DHX35: variants seen among roughly 807,000 people sequenced by gnomAD.
DHX35 encodes the protein DEAH-box helicase 35.
Under a neutral mutation model 99.6 loss-of-function variants are expected in DHX35, and 84 were observed. The observed-to-expected ratio is 0.84, with a 90% CI of 0.71 to 1.01. The LOEUF (loss-of-function observed/expected upper bound fraction) is 1.01. DHX35 is among the 50% of genes least tolerant of loss of function. DHX35 has a pLI of 0.00. For missense variants in DHX35, 852 were observed against 888.5 expected (o/e 0.96, Z 0.52); for synonymous variants, 331 against 316.2 (o/e 1.05, Z -0.50).
Position 39,028,432 on chromosome 20 carries a change from G to A in DHX35, c.1816G>A (p.Val606Ile). 1.2e-6 allele frequency: 2 copies of A among 1,614,220 alleles called. No individual in the cohort carries two copies. The highest frequency in any genetic ancestry group is 8.5e-7 in the Non-Finnish European group (1 of 1,180,038). Reference protein sequence around the residue: ...RKSSEGDPDLVLRCIVSGFFA... With the variant: ...RKSSEGDPDLILRCIVSGFFA... Reference sequence around the variant, plus strand: ...TGCCTATGTAGGTGACCCGGATCTGGTTCTGAGGTGCATTGTCTCCGGCTT... The same window carrying A: ...TGCCTATGTAGGTGACCCGGATCTGATTCTGAGGTGCATTGTCTCCGGCTT... The change falls in exon 19 of 22, where the codon GTT (valine) becomes ATT (isoleucine). Residue 606 changes from valine to isoleucine, a missense_variant. Physicochemically the swap from Val to Ile is conservative, Grantham distance 29. Transcript: ENST00000252011.
At chr20:38,972,680 C>T (rs1451542922) in intron 3 of DHX35, 29 bp downstream of exon 3, 4 of 1,507,864 alleles carry the variant, frequency 2.7e-6, no homozygotes, top group Non-Finnish European at 3.7e-6. Flanking sequence ...AGTGTCTTTA[C>T]ACTTCGATTT....
chr20:38,972,229 T>C (rs2086012402), intron 2 of DHX35, among the ~76,000 whole-genome samples: 1 of 152,112 alleles, frequency 6.6e-6, no homozygotes, highest in Non-Finnish European at 1.5e-5. Flanking sequence ...AGGCTGGTCT[T>C]GAACTCCTGA....
intron 5 of DHX35, among the ~76,000 whole-genome samples, chr20:38,990,999 A>G (rs1017398836): frequency 6.6e-6 from 1 of 152,200 alleles, no homozygotes; most frequent in Non-Finnish European, 1.5e-5. Flanking sequence ...GTGCTTAACC[A>G]TGATCCTATC....
intron 3 of DHX35, among the ~76,000 whole-genome samples, chr20:38,977,518 C>G (rs1195203050): frequency 6.6e-6 from 1 of 151,992 alleles, no homozygotes; most frequent in African/African-American, 2.4e-5. Flanking sequence ...GTCTGACCAC[C>G]ACTACTATTA....
intron 14 of DHX35, among the ~76,000 whole-genome samples, chr20:39,015,410 G>C (rs915426034): frequency 6.6e-6 from 1 of 152,132 alleles, no homozygotes; most frequent in Non-Finnish European, 1.5e-5. Context: ...TTCAGTTGTC[G>C]ATTGAAGATG....
chr20:38,990,237 C>T (rs2086317483), intron 5 of DHX35, among the ~76,000 whole-genome samples: 1 of 152,196 alleles, frequency 6.6e-6, no homozygotes, highest in African/African-American at 2.4e-5. Context: ...GAAGTTCTCA[C>T]TACGTATGTA....
In DHX35 at chr20:39,038,814, C is replaced by T; in HGVS notation, c.*271C>T. ...TGGCTCACTCAGCACGCTCACTAAC[C>T]CAGCATGCCACTTCCAGCAGGCATG... is the stretch of plus-strand genomic sequence containing the variant. On this transcript the variant is annotated 3_prime_UTR_variant, in exon 22 of 22. Transcript: ENST00000252011. 1 of 514,462 alleles carries T rather than the reference C, an allele frequency of 1.9e-6. No homozygotes were observed. The highest frequency in any genetic ancestry group is 2.3e-5 in the South Asian group (1 of 43,096). 31.9% of individuals were successfully genotyped at this position (514,462 alleles called of 1,614,324 possible). A position where few individuals can be genotyped will look rare whatever the true frequency, so the allele number is the denominator to read the frequency against.
intron 5 of DHX35, among the ~76,000 whole-genome samples, chr20:38,989,265 GTTTTT>G (rs59991063): frequency 8.9e-6 from 1 of 111,878 alleles, no homozygotes; most frequent in Non-Finnish European, 1.8e-5. Flanking sequence ...ACCCGGCTAA[GTTTTT>G]TTTTTTTTTT....
intron 10 of DHX35, 103 bp downstream of exon 10, chr20:39,002,971 G>A (rs1229747743): frequency 2.0e-6 from 2 of 1,004,970 alleles, no homozygotes; most frequent in Non-Finnish European, 2.9e-6. Flanking sequence ...ATGTTTTGTT[G>A]TATTTTGTGG....
At chr20:39,038,015 A>G (rs1397871761) in intron 21 of DHX35, among the ~76,000 whole-genome samples, 1 of 152,068 alleles carries the variant, frequency 6.6e-6, no homozygotes, top group Non-Finnish European at 1.5e-5. Context: ...CTTTATCTCC[A>G]TCCTTGAGCA....
intron 4 of DHX35, among the ~76,000 whole-genome samples, chr20:38,986,188 A>AT (rs56980978): frequency 0.16 from 22,301 of 143,304 alleles, 2,120 homozygotes; most frequent in South Asian, 0.26. Context: ...GTGCTCAGTG[A>AT]TTTTTTTTTT....
chr20:39,013,852 A>G (rs116753425), intron 13 of DHX35, among the ~76,000 whole-genome samples: 149 of 152,342 alleles, frequency 9.8e-4, no homozygotes, highest in African/African-American at 2.9e-3. Flanking sequence ...AATGAATCCA[A>G]TAGGTTTAGT....
rs3752300 is a variant in DHX35, at chr20:39,018,841, C to T, written c.1440C>T (p.Gly480=). ...ACTGTCGCCTAACTGAACCGCTTGG[C>T]ATGAGAATTGCAGAGTTTCCTTTGA... The part of the protein sequence containing the change: ...DKDCRLTEPL[G]MRIAEFPLNP... The change falls in exon 15 of 22, where the codon GGC becomes GGT. Residue 480 remains glycine, a synonymous_variant. Transcript: ENST00000252011. 1.4e-3 allele frequency: 2,292 copies of T among 1,613,972 alleles called. 53 individuals are homozygous for T. The East Asian group carries it at 0.046, about 32-fold the overall frequency.
chr20:39,036,750 AAAG>A (rs1303128944), intron 21 of DHX35, among the ~76,000 whole-genome samples: 7 of 149,904 alleles, frequency 4.7e-5, no homozygotes, highest in Non-Finnish European at 9.0e-5. Context: ...AAAAAAAAAA[AAAG>A]AAATCACCTA....
chr20:39,033,865 G>A (rs997155009), intron 20 of DHX35, among the ~76,000 whole-genome samples: 3 of 152,096 alleles, frequency 2.0e-5, no homozygotes, highest in Non-Finnish European at 4.4e-5. Flanking sequence ...TTCAGAATCA[G>A]GCAAGTCTTT....
At chr20:38,971,077 T>C (rs1335461593) in intron 2 of DHX35, among the ~76,000 whole-genome samples, 1 of 152,034 alleles carries the variant, frequency 6.6e-6, no homozygotes, top group African/African-American at 2.4e-5. Flanking sequence ...GGAGGCTCGG[T>C]GTGGTGGCTT....
chr20:38,999,589 A>T (rs1269482186), intron 8 of DHX35, among the ~76,000 whole-genome samples: 2 of 152,210 alleles, frequency 1.3e-5, no homozygotes, highest in Non-Finnish European at 2.9e-5. Context: ...TCCCCGGTCG[A>T]GTAAGAGTCA....
intron 16 of DHX35, 30 bp from the exon 17 acceptor site, chr20:39,023,660 A>T (rs1309797268): frequency 6.2e-7 from 1 of 1,609,698 alleles, no homozygotes; most frequent in Non-Finnish European, 8.5e-7. Context: ...GCAAAGAGTG[A>T]AATTCTGAAT....
At chr20:38,983,628 G>T in intron 3 of DHX35, 71 bp from the exon 4 acceptor site, 1 of 1,261,394 alleles carries the variant, frequency 7.9e-7, no homozygotes, top group East Asian at 2.4e-5. Flanking sequence ...ACACAATACG[G>T]GAGCATCTTG....
Sources: gnomAD v4.1 joint callset for allele counts (sites outside exome capture counted in the v4.1 genomes callset) on GRCh38, gnomAD v4.1.1 for gene constraint, MANE v1.5 for transcripts, NCBI Gene and HGNC (gene_info 2026-07-23, HGNC 2026-07-21) for gene names.